Variants in PAK3 observed in about 807,000 individuals in gnomAD.
The protein encoded by PAK3 is serine/threonine-protein kinase PAK 3.
In PAK3, 4 loss-of-function variants were observed where a neutral mutation model predicts 41.0. That is an observed-to-expected ratio of 0.10 (90% CI 0.05 to 0.22). The LOEUF (loss-of-function observed/expected upper bound fraction) is 0.22. Among genes scored for constraint, PAK3 ranks in the 10% least tolerant of loss-of-function variants. The pLI is 1.00. For missense variants in PAK3, 205 were observed against 409.9 expected, an observed-to-expected ratio of 0.50 and a Z score of 4.32; for synonymous variants, 146 against 139.6, an observed-to-expected ratio of 1.05 and a Z score of -0.32.
chrX:110,993,573 C>A (rs2091687383), intron 1 of PAK3, among the ~76,000 whole-genome samples: 1 of 111,749 alleles, frequency 8.9e-6, no homozygotes, highest in Non-Finnish European at 1.9e-5. Flanking sequence ...GATTGCCAAT[C>A]CATTTGACTG....
chrX:111,110,621 G>A (rs769290721), intron 4 of PAK3, among the ~76,000 whole-genome samples: 5 of 111,046 alleles, frequency 4.5e-5, no homozygotes, highest in African/African-American at 1.6e-4. Flanking sequence ...GAGTGACATA[G>A]GGCCACAGTA....
intron 1 of PAK3, among the ~76,000 whole-genome samples, chrX:111,068,831 T>C (rs1420316584): frequency 8.9e-6 from 1 of 112,774 alleles, no homozygotes; most frequent in Non-Finnish European, 1.9e-5. Flanking sequence ...ATTCAAGAGT[T>C]ATTTAAAAGT....
At chrX:111,148,819 C>A (rs2149119515) in intron 7 of PAK3, among the ~76,000 whole-genome samples, 1 of 110,795 alleles carries the variant, frequency 9.0e-6, no homozygotes, top group African/African-American at 3.3e-5. Flanking sequence ...GGGGACACAG[C>A]CAAACCATGT....
intron 16 of PAK3, among the ~76,000 whole-genome samples, chrX:111,207,400 A>G (rs1422198978): frequency 9.0e-6 from 1 of 111,280 alleles, no homozygotes; most frequent in African/African-American, 3.3e-5. Context: ...AAAACAATAA[A>G]GTATGACAAC....
chrX:111,025,578 T>G (rs769286394), intron 1 of PAK3, among the ~76,000 whole-genome samples: 1 of 110,855 alleles, frequency 9.0e-6, no homozygotes, highest in East Asian at 2.8e-4. Context: ...ACAACCCTCC[T>G]AGATTAAACC....
intron 1 of PAK3, among the ~76,000 whole-genome samples, chrX:110,953,241 G>T (rs748074132): frequency 9.0e-6 from 1 of 111,727 alleles, no homozygotes; most frequent in Non-Finnish European, 1.9e-5. Context: ...AGTAAATGGA[G>T]CTTACATTAA....
intron 17 of PAK3, chrX:111,216,971 C>A: frequency 2.7e-6 from 2 of 749,197 alleles, no homozygotes; most frequent in Non-Finnish European, 3.2e-6. Flanking sequence ...TGGTCAAAGC[C>A]CCTTTGCTTG....
intron 1 of PAK3, among the ~76,000 whole-genome samples, chrX:111,020,918 A>G (rs934277977): frequency 5.4e-5 from 6 of 110,749 alleles, no homozygotes; most frequent in African/African-American, 2.0e-4. Context: ...TGTGTGACTT[A>G]TCAGAGGCAG....
chrX:111,168,979 A>G (rs967188529), intron 10 of PAK3, among the ~76,000 whole-genome samples: 4 of 111,884 alleles, frequency 3.6e-5, no homozygotes, highest in African/African-American at 1.3e-4. Flanking sequence ...AAAATAAAAG[A>G]CCAACTCAGA....
intron 3 of PAK3, among the ~76,000 whole-genome samples, chrX:111,098,331 C>CAA (rs3835301): frequency 3.3e-5 from 3 of 89,872 alleles, no homozygotes; most frequent in African/African-American, 1.3e-4. Context: ...GTGGCCAAGG[C>CAA]AAAAAAAAAA....
At chrX:111,064,396 C>T (rs2148813990) in intron 1 of PAK3, among the ~76,000 whole-genome samples, 1 of 110,553 alleles carries the variant, frequency 9.0e-6, no homozygotes, top group East Asian at 2.8e-4. Flanking sequence ...TCTCATCACC[C>T]AGGTAGTGAG....
chrX:110,968,215 G>C (rs1427876608), intron 1 of PAK3, among the ~76,000 whole-genome samples: 1 of 112,399 alleles, frequency 8.9e-6, no homozygotes. Context: ...ACCAGAGTTT[G>C]TCTAACCATT....
intron 1 of PAK3, among the ~76,000 whole-genome samples, chrX:110,991,128 T>C: frequency 5.7e-5 from 1 of 17,449 alleles, no homozygotes; most frequent in East Asian, 0.011. Context: ...CCAGACCCTG[T>C]CTCAAAAAAA....
intron 8 of PAK3, among the ~76,000 whole-genome samples, chrX:111,155,844 T>C (rs2094100296): frequency 9.0e-6 from 1 of 111,224 alleles, no homozygotes; most frequent in African/African-American, 3.3e-5. Flanking sequence ...ACAAGGAATA[T>C]GGGGTTGAAT....
rs3835301 is a variant in PAK3 at position 111,098,331 on chromosome X, CA to C, written c.-176+664del. On this transcript the variant is annotated intron_variant, in intron 3 of 17. Transcript: ENST00000372007. Reference sequence around the variant, plus strand: ...TTAAGGTTAAAGAAGGTGGCCAAGGCAAAAAAAAAAAAAAAAATCAGGTGTA... The same window carrying C: ...TTAAGGTTAAAGAAGGTGGCCAAGGCAAAAAAAAAAAAAAAATCAGGTGTA... 2.4e-3 allele frequency among the ~76,000 whole-genome samples: 219 copies of C among 89,857 alleles called. 1 individual carries two copies. The highest frequency in any genetic ancestry group is 8.0e-3 in the African/African-American group (190 of 23,692). The allele number at this position is 89,857 out of a possible 115,157, so 78.0% of individuals were successfully genotyped here. A position where few individuals can be genotyped will look rare whatever the true frequency, so the allele number is the denominator to read the frequency against.
chrX:111,109,207 G>A (rs778979588), intron 4 of PAK3, among the ~76,000 whole-genome samples: 4 of 112,193 alleles, frequency 3.6e-5, no homozygotes, highest in Non-Finnish European at 7.5e-5. Context: ...AGGATGAAAT[G>A]AGATAATATA....
chrX:111,074,366 G>T (rs1198790598), intron 1 of PAK3, among the ~76,000 whole-genome samples: 1 of 111,017 alleles, frequency 9.0e-6, no homozygotes, highest in Non-Finnish European at 1.9e-5. Flanking sequence ...GTTAGTTCAT[G>T]TGAGATCTGG....
At chrX:111,214,049 G>A in intron 16 of PAK3, among the ~76,000 whole-genome samples, 1 of 111,633 alleles carries the variant, frequency 9.0e-6, no homozygotes, top group Middle Eastern at 4.6e-3. Flanking sequence ...AGAGTTGGGG[G>A]AAAGGAAGAT....
At chrX:110,994,447 A>C (rs1385720224) in intron 1 of PAK3, among the ~76,000 whole-genome samples, 1 of 111,480 alleles carries the variant, frequency 9.0e-6, no homozygotes, top group East Asian at 2.8e-4. Context: ...AGGAGGCTGC[A>C]ACCCCTGTTT....
Sources: allele counts gnomAD v4.1 joint callset (sites outside exome capture counted in the v4.1 genomes callset), GRCh38; gene constraint gnomAD v4.1.1; transcripts MANE v1.5; gene names NCBI Gene and HGNC (gene_info 2026-07-23, HGNC 2026-07-21).